GPC5: variants seen among roughly 807,000 people sequenced by gnomAD.
GPC5 encodes the protein glypican-5.
A neutral mutation model predicts 53.9 loss-of-function variants in GPC5; 47 were observed. The observed-to-expected ratio is 0.87, with a 90% CI of 0.69 to 1.11. GPC5 has a LOEUF of 1.11. Among genes scored for constraint, GPC5 ranks in the 50% most tolerant of loss-of-function variants. The pLI is 0.00. For missense variants in GPC5, 748 were observed against 713.1 expected, an observed-to-expected ratio of 1.05 and a Z score of -0.56; for synonymous variants, 286 against 263.3, an observed-to-expected ratio of 1.09 and a Z score of -0.84.
At chr13:92,020,403 T>C (rs2040747421) in intron 6 of GPC5, among the ~76,000 whole-genome samples, 1 of 152,158 alleles carries the variant, frequency 6.6e-6, no homozygotes. Flanking sequence ...GACAAATTAA[T>C]CTATAGCTGT....
At chr13:92,245,205 T>C (rs751305805) in intron 7 of GPC5, among the ~76,000 whole-genome samples, 1 of 152,128 alleles carries the variant, frequency 6.6e-6, no homozygotes, top group East Asian at 1.9e-4. Flanking sequence ...TTATGGAATA[T>C]AATGTCTTCC....
intron 6 of GPC5, among the ~76,000 whole-genome samples, chr13:92,087,565 A>C (rs1309738903): frequency 6.6e-6 from 1 of 152,238 alleles, no homozygotes; most frequent in Admixed American, 6.5e-5. Context: ...AAATAAGGAC[A>C]TAAAGTATCA....
At chr13:92,385,539 T>TGCATATATACCTATAC (rs1874628261) in intron 7 of GPC5, among the ~76,000 whole-genome samples, 1 of 124,144 alleles carries the variant, frequency 8.1e-6, no homozygotes, top group Non-Finnish European at 1.7e-5. Context: ...TATACATATA[T>TGCATATATACCTATAC]GCATATATAC....
chr13:91,915,072 C>T (rs1415387135), intron 6 of GPC5, among the ~76,000 whole-genome samples: 1 of 152,098 alleles, frequency 6.6e-6, no homozygotes, highest in Non-Finnish European at 1.5e-5. Flanking sequence ...ACTCCTTTCC[C>T]CACAACTCCA....
At chr13:92,542,432 CAT>C (rs1296860875) in intron 7 of GPC5, among the ~76,000 whole-genome samples, 1 of 151,974 alleles carries the variant, frequency 6.6e-6, no homozygotes, top group Non-Finnish European at 1.5e-5. Context: ...TGAGTGATAA[CAT>C]GTAGTATTTA....
At chr13:92,083,291 A>T (rs2041310832) in intron 6 of GPC5, among the ~76,000 whole-genome samples, 1 of 152,170 alleles carries the variant, frequency 6.6e-6, no homozygotes, top group African/African-American at 2.4e-5. Context: ...ATTCTCTTTC[A>T]TATCTCCACA....
intron 7 of GPC5, among the ~76,000 whole-genome samples, chr13:92,226,973 C>T (rs1466435767): frequency 6.6e-6 from 1 of 152,108 alleles, no homozygotes; most frequent in Non-Finnish European, 1.5e-5. Context: ...TGAACTGGGG[C>T]CAGTTACCTT....
chr13:91,438,240 A>T (rs564833551), intron 1 of GPC5, among the ~76,000 whole-genome samples: 8 of 152,162 alleles, frequency 5.3e-5, no homozygotes, highest in African/African-American at 1.9e-4. Context: ...AGGCACTCTG[A>T]TTTTTAGAGT....
intron 5 of GPC5, among the ~76,000 whole-genome samples, chr13:91,762,586 C>CA (rs1566668280): frequency 2.8e-5 from 4 of 142,646 alleles, no homozygotes; most frequent in Non-Finnish European, 4.6e-5. Context: ...TTTTCTATTT[C>CA]TTTTTTTTTT....
chr13:92,494,901 A>C (rs1229629147), intron 7 of GPC5, among the ~76,000 whole-genome samples: 1 of 152,194 alleles, frequency 6.6e-6, no homozygotes, highest in Non-Finnish European at 1.5e-5. Context: ...CCCACCAATT[A>C]AACATTATTA....
At chr13:91,730,452 A>G (rs961507673) in intron 4 of GPC5, among the ~76,000 whole-genome samples, 4 of 152,082 alleles carry the variant, frequency 2.6e-5, no homozygotes, top group Admixed American at 2.6e-4. Context: ...AATTACTTCT[A>G]TTCGAGCCTA....
intron 7 of GPC5, among the ~76,000 whole-genome samples, chr13:92,388,187 A>C (rs1485705175): frequency 3.3e-5 from 5 of 152,086 alleles, no homozygotes; most frequent in African/African-American, 1.2e-4. Flanking sequence ...AAAGGTTCAT[A>C]CTTCGTGATT....
intron 7 of GPC5, among the ~76,000 whole-genome samples, chr13:92,347,990 T>A (rs1348798822): frequency 1.2e-5 from 1 of 83,996 alleles, no homozygotes; most frequent in African/African-American, 4.3e-5. Flanking sequence ...GACAAAAAAT[T>A]GGAAAGGTCA....
At chr13:92,465,072 AT>A (rs1878638398) in intron 7 of GPC5, among the ~76,000 whole-genome samples, 1 of 152,026 alleles carries the variant, frequency 6.6e-6, no homozygotes, top group Non-Finnish European at 1.5e-5. Flanking sequence ...GGAAGCCAGA[AT>A]TTGCAAAATT....
chr13:92,251,758 G>A (rs2042694282), intron 7 of GPC5, among the ~76,000 whole-genome samples: 1 of 152,106 alleles, frequency 6.6e-6, no homozygotes, highest in Non-Finnish European at 1.5e-5. Context: ...AGGAAGCTCT[G>A]CTGAAAGAAC....
At chr13:92,023,327 C>T (rs2138794025) in intron 6 of GPC5, among the ~76,000 whole-genome samples, 1 of 152,014 alleles carries the variant, frequency 6.6e-6, no homozygotes, top group African/African-American at 2.4e-5. Flanking sequence ...AATAATTTTT[C>T]CAAGTAAAAT....
intron 2 of GPC5, among the ~76,000 whole-genome samples, chr13:91,650,881 G>C (rs183021309): frequency 3.6e-3 from 540 of 151,182 alleles, no homozygotes; most frequent in Non-Finnish European, 5.6e-3. Flanking sequence ...TTTCACTTAA[G>C]TTGGTGCCTT....
chr13:91,600,023 G>A (rs1340328987), intron 2 of GPC5, among the ~76,000 whole-genome samples: 3 of 151,906 alleles, frequency 2.0e-5, no homozygotes, highest in African/African-American at 2.4e-5. Context: ...CTGGGTTCAA[G>A]CAATTCTCTG....
intron 7 of GPC5, among the ~76,000 whole-genome samples, chr13:92,659,853 G>C (rs937442336): frequency 6.6e-6 from 1 of 152,142 alleles, no homozygotes; most frequent in Non-Finnish European, 1.5e-5. Context: ...GAAAAGGAAG[G>C]AAGTCTATCA....
Sources: allele counts gnomAD v4.1 joint callset (sites outside exome capture counted in the v4.1 genomes callset), GRCh38; gene constraint gnomAD v4.1.1; transcripts MANE v1.5; gene names NCBI Gene and HGNC (gene_info 2026-07-23, HGNC 2026-07-21).